The following BECN1 variants were observed in gnomAD, a reference collection of about 807,000 sequenced individuals.
The protein encoded by BECN1 is beclin 1.
Under a neutral mutation model 60.1 loss-of-function variants are expected in BECN1, and 15 were observed. The ratio of observed to expected loss-of-function variants is 0.25; its 90% CI spans 0.17 to 0.38. The LOEUF is 0.38. Among genes scored for constraint, BECN1 ranks in the 10% least tolerant of loss-of-function variants. The pLI, the probability that BECN1 is intolerant of heterozygous loss-of-function variation, is 1.00. For missense variants in BECN1, 424 were observed against 548.2 expected (o/e 0.77, Z 2.26); for synonymous variants, 179 against 201.8 (o/e 0.89, Z 0.96).
In BECN1 at chr17:42,820,755, G is replaced by A; in HGVS notation, c.198+19C>T. ...TGTTTACTACATGAGGAGGATAGGGGAGAGGGCACTTCTATTACCTCTCCT... is the reference window on the plus strand; with the variant it reads ...TGTTTACTACATGAGGAGGATAGGGAAGAGGGCACTTCTATTACCTCTCCT... On this transcript the variant is annotated intron_variant, in intron 3 of 11. Coordinates refer to ENST00000590099, the MANE Select transcript of BECN1 (RefSeq NM_001313998.2). 6.4e-7 allele frequency: 1 copy of A among 1,562,630 alleles called. No individual in the cohort carries two copies. Among genetic ancestry groups the A allele is most frequent in the Non-Finnish European group, 8.7e-7 (1 of 1,148,322 alleles).
chr17:42,811,876 C>T, intron 10 of BECN1, 79 bp from the exon 11 acceptor site: 20 of 1,526,086 alleles, frequency 1.3e-5, no homozygotes, highest in Non-Finnish European at 1.8e-5. Flanking sequence ...CTATCAATCT[C>T]TCAAGTCATG....
At chr17:42,811,206 T>G in intron 11 of BECN1, 1 of 342,380 alleles carries the variant, frequency 2.9e-6, no homozygotes, top group Non-Finnish European at 5.2e-6. Flanking sequence ...TCTTGCTGTT[T>G]TCCTAGGCAT....
intron 10 of BECN1, chr17:42,812,009 A>G: frequency 1.8e-6 from 1 of 547,684 alleles, no homozygotes. Context: ...ATCAATGAAA[A>G]TGTACCATAG....
intron 2 of BECN1, among the ~76,000 whole-genome samples, chr17:42,822,512 C>T (rs768693192): frequency 2.0e-5 from 3 of 152,282 alleles, no homozygotes. Flanking sequence ...TCAGTCTTCT[C>T]TTTTACTGTC....
chr17:42,815,797 G>A, intron 8 of BECN1, 111 bp downstream of exon 8: 1 of 1,389,038 alleles, frequency 7.2e-7, no homozygotes, highest in Non-Finnish European at 1.0e-6. Context: ...AACCTAGTTG[G>A]GTGAAGATAA....
chr17:42,815,327 C>T (rs918466803), intron 8 of BECN1, among the ~76,000 whole-genome samples: 3 of 152,006 alleles, frequency 2.0e-5, no homozygotes, highest in Non-Finnish European at 4.4e-5. Flanking sequence ...GTTCTCTCTG[C>T]TAGGAACAAC....
At chr17:42,819,431 G>C in intron 4 of BECN1, 117 bp downstream of exon 4, 1 of 1,130,972 alleles carries the variant, frequency 8.8e-7, no homozygotes, top group South Asian at 1.5e-5. Flanking sequence ...TTCTGAAAGG[G>C]CCAAAAGGCT....
chr17:42,811,918 G>T, intron 10 of BECN1, 121 bp from the exon 11 acceptor site: 1 of 1,194,436 alleles, frequency 8.4e-7, no homozygotes, highest in Non-Finnish European at 1.2e-6. Context: ...AACTTGTATT[G>T]TAGCTGGACT....
Position 42,811,720 on chromosome 17 carries a change from C to G in BECN1, c.1119G>C (p.Leu373=). 2 of 1,614,202 alleles carry G rather than the reference C, an allele frequency of 1.2e-6. No individual in the cohort carries two copies. Among genetic ancestry groups the G allele is most frequent in the Non-Finnish European group, 1.7e-6 (2 of 1,180,040 alleles). ...CTTCTTTGAACTGCTGCACACAGTCCAGGAAAGCCACCATTGCATGGTCAA... is the reference window on the plus strand; with the variant it reads ...CTTCTTTGAACTGCTGCACACAGTCGAGGAAAGCCACCATTGCATGGTCAA... ...NKFDHAMVAF[L]DCVQQFKEEV... is the part of the protein sequence containing the mutation. Residue 373 remains leucine, a synonymous_variant, in exon 11 of 12, where the codon CTG becomes CTC. Transcript: ENST00000590099.
Position 42,810,518 on chromosome 17 carries a change from G to GA in BECN1, c.*241dup. On this transcript the variant is annotated 3_prime_UTR_variant, in exon 12 of 12. Transcript: ENST00000590099. Reference sequence around the variant, plus strand: ...ATTAGTTTTTTTCAGAGAAGAAAGGGAAAGGAGTCCATGGGGTTAAGAATC... The same window carrying GA: ...ATTAGTTTTTTTCAGAGAAGAAAGGGAAAAGGAGTCCATGGGGTTAAGAATC... 1 of 338,534 alleles carries GA rather than the reference G, an allele frequency of 3.0e-6. No individual in the cohort carries two copies. Among genetic ancestry groups the GA allele is most frequent in the East Asian group, 4.7e-5 (1 of 21,392 alleles). The allele number at this position is 338,534 out of a possible 1,614,324, so 21.0% of individuals were successfully genotyped here.
intron 8 of BECN1, 84 bp from the exon 9 acceptor site, chr17:42,814,757 C>T: frequency 6.5e-7 from 1 of 1,533,260 alleles, no homozygotes; most frequent in Non-Finnish European, 8.9e-7. Flanking sequence ...CCAAACCTAG[C>T]TTAAATCTAT....
At chr17:42,812,844 T>A (rs1181221761) in intron 10 of BECN1, 1 of 133,262 alleles carries the variant, frequency 7.5e-6, no homozygotes, top group African/African-American at 2.8e-5. Context: ...TTTTTTTTTT[T>A]TTTTTTTTGA....
In BECN1 at chr17:42,819,569, C is replaced by A. The variant is rs759611322; in HGVS notation, c.239G>T (p.Arg80Leu). The A allele has an allele frequency of 1.9e-6, 3 of 1,613,048 alleles. No homozygotes were observed. The highest frequency in any genetic ancestry group is 4.5e-5 in the East Asian group (2 of 44,858). ...IETPRQDGVSRRFIPPARMMS... is the reference protein window; with the variant it reads ...IETPRQDGVSLRFIPPARMMS... ...GCACCTGGCTGGGGGGATGAATCTG[C>A]GAGAGACACCATCCTGGCGAGGAGT... The change falls in exon 4 of 12, where the codon CGC (arginine) becomes CTC (leucine). Residue 80 changes from arginine (R) to leucine (L), a missense_variant. Around this residue, in one of 3 missense-constraint regions of BECN1, gnomAD observed 96 missense variants for 125.6 expected, o/e 0.76. Coordinates refer to ENST00000590099, the MANE Select transcript of BECN1 (RefSeq NM_001313998.2).
chr17:42,816,147 G>A (rs927248388), intron 7 of BECN1, 93 bp from the exon 8 acceptor site: 14 of 1,289,592 alleles, frequency 1.1e-5, no homozygotes, highest in East Asian at 2.4e-5. Context: ...AGTGATCATC[G>A]TTACATCTAG....
chr17:42,819,639 T>C (rs1390986641), intron 3 of BECN1, 30 bp from the exon 4 acceptor site: 6 of 1,608,176 alleles, frequency 3.7e-6, no homozygotes, highest in South Asian at 1.1e-5. Context: ...GCATTACAAC[T>C]CTGGCAGCTT....
chr17:42,821,611 A>G (rs1223460185), intron 2 of BECN1, among the ~76,000 whole-genome samples: 1 of 152,250 alleles, frequency 6.6e-6, no homozygotes, highest in Non-Finnish European at 1.5e-5. Flanking sequence ...AACATAAGGA[A>G]ACTTTCTAGG....
chr17:42,812,784 A>AT (rs2055050190), intron 10 of BECN1: 1 of 149,750 alleles, frequency 6.7e-6, no homozygotes, highest in Non-Finnish European at 1.5e-5. Flanking sequence ...TTGACCATTG[A>AT]TATGATGCCA....
intron 3 of BECN1, chr17:42,820,443 T>A: frequency 4.0e-6 from 1 of 250,684 alleles, no homozygotes; most frequent in Non-Finnish European, 7.8e-6. Context: ...CAGATGCAAA[T>A]CAATGCTCTA....
chr17:42,817,402 A>G (rs1248359265), intron 7 of BECN1, among the ~76,000 whole-genome samples: 6 of 152,166 alleles, frequency 3.9e-5, no homozygotes, highest in African/African-American at 1.4e-4. Flanking sequence ...TAGTTACTAT[A>G]CCCCACTTCC....
Sources: gnomAD v4.1 joint callset for allele counts (sites outside exome capture counted in the v4.1 genomes callset) on GRCh38, gnomAD v4.1.1 for gene constraint, gnomAD v4.1.1 regional missense constraint, MANE v1.5 for transcripts, NCBI Gene and HGNC (gene_info 2026-07-23, HGNC 2026-07-21) for gene names.